The following BCR variants were observed in gnomAD, a reference collection of about 807,000 sequenced individuals.
The protein encoded by BCR is BCR activator of RhoGEF and GTPase.
A neutral mutation model predicts 138.6 loss-of-function variants in BCR; 58 were observed. The ratio of observed to expected loss-of-function variants is 0.42; its 90% CI spans 0.34 to 0.52. The LOEUF is 0.52. Among genes scored for constraint, BCR ranks in the 20% least tolerant of loss-of-function variants. BCR has a pLI of 0.06. For missense variants in BCR, 1,599 were observed against 1,727.2 expected, an observed-to-expected ratio of 0.93 and a Z score of 1.32; for synonymous variants, 786 against 730.1, an observed-to-expected ratio of 1.08 and a Z score of -1.23.
chr22:23,304,405 G>A (rs1269169666), intron 16 of BCR, among the ~76,000 whole-genome samples: 1 of 152,070 alleles, frequency 6.6e-6, no homozygotes, highest in Non-Finnish European at 1.5e-5. Flanking sequence ...TCATGTGGTA[G>A]CATTGTTTGG....
chr22:23,249,156 A>G (rs2073191170), intron 1 of BCR, among the ~76,000 whole-genome samples: 1 of 151,910 alleles, frequency 6.6e-6, no homozygotes, highest in South Asian at 2.1e-4. Flanking sequence ...CAGGCCAGGC[A>G]CGGTGGCTCA....
At chr22:23,287,310 C>G in intron 11 of BCR, 32 bp downstream of exon 11, 1 of 1,504,926 alleles carries the variant, frequency 6.6e-7, no homozygotes, top group Non-Finnish European at 8.9e-7. Context: ...CCCTCCTGCT[C>G]TCCTGGCCTG....
chr22:23,241,976 T>C (rs6003582), intron 1 of BCR, among the ~76,000 whole-genome samples: 87,929 of 151,930 alleles, frequency 0.58, 26,518 homozygotes, highest in Non-Finnish European at 0.67. Flanking sequence ...CTTTCCCAGC[T>C]GTACCCCCTT....
chr22:23,212,868 C>T (rs991632345), intron 1 of BCR, among the ~76,000 whole-genome samples: 2 of 152,204 alleles, frequency 1.3e-5, no homozygotes, highest in Non-Finnish European at 2.9e-5. Context: ...TGAATATTGC[C>T]CAGACCAGAA....
chr22:23,289,946 C>T, intron 13 of BCR: 1 of 513,298 alleles, frequency 1.9e-6, no homozygotes, highest in Non-Finnish European at 3.5e-6. Flanking sequence ...CTCCTCTCCT[C>T]CAGCTACCTG....
chr22:23,281,332 G>A (rs780469641), intron 8 of BCR, among the ~76,000 whole-genome samples: 31 of 152,226 alleles, frequency 2.0e-4, no homozygotes, highest in South Asian at 6.2e-4. Flanking sequence ...GCCTTATGCC[G>A]GCTTTGGGAT....
chr22:23,189,788 C>G (rs1356663451), intron 1 of BCR, among the ~76,000 whole-genome samples: 1 of 152,182 alleles, frequency 6.6e-6, no homozygotes, highest in Non-Finnish European at 1.5e-5. Context: ...GCATGAGCCA[C>G]CGCTCCTAGC....
chr22:23,253,888 G>C lies in BCR; in HGVS notation c.1369G>C (p.Asp457His). The C allele has an allele frequency of 6.2e-7, 1 of 1,613,278 alleles. No individual in the cohort carries two copies. Among genetic ancestry groups the C allele is most frequent in the Non-Finnish European group, 8.5e-7 (1 of 1,180,018 alleles). Residue 457 changes from aspartate (D) to histidine (H), a missense_variant, in exon 2 of 23, where the codon GAT (aspartate) becomes CAT (histidine). Around this residue, in one of 4 missense-constraint regions of BCR, gnomAD observed 590 missense variants for 762.4 expected, o/e 0.77. Coordinates refer to ENST00000305877, the MANE Select transcript of BCR (RefSeq NM_004327.4). ...RRHQDGLPYI[D>H]DSPSSSPHLS... Reference sequence around the variant, plus strand: ...GCACCAAGATGGGCTGCCCTACATTGATGACTCGCCCTCCTCATCGCCCCA... The same window carrying C: ...GCACCAAGATGGGCTGCCCTACATTCATGACTCGCCCTCCTCATCGCCCCA...
chr22:23,219,966 G>A (rs1410110921), intron 1 of BCR, among the ~76,000 whole-genome samples: 4 of 152,174 alleles, frequency 2.6e-5, no homozygotes, highest in Admixed American at 2.0e-4. Flanking sequence ...GCAGTTCCTG[G>A]AGCATTGAGT....
chr22:23,189,363 C>T (rs1314704695), intron 1 of BCR, among the ~76,000 whole-genome samples: 1 of 152,204 alleles, frequency 6.6e-6, no homozygotes, highest in African/African-American at 2.4e-5. Flanking sequence ...CCGTTCTACT[C>T]TGTCTCCATG....
At chr22:23,248,661 C>T (rs555878117) in intron 1 of BCR, among the ~76,000 whole-genome samples, 2 of 152,290 alleles carry the variant, frequency 1.3e-5, no homozygotes, top group South Asian at 2.1e-4. Flanking sequence ...TAGGCCCTCC[C>T]TCTTCCACAC....
intron 1 of BCR, among the ~76,000 whole-genome samples, chr22:23,206,520 T>C (rs1024414187): frequency 8.1e-5 from 12 of 149,010 alleles, no homozygotes; most frequent in African/African-American, 3.0e-4. Context: ...GAGCTTGCAG[T>C]GAGCCGAGAT....
At chr22:23,313,421 T>C (rs1194274431) in intron 20 of BCR, among the ~76,000 whole-genome samples, 1 of 152,112 alleles carries the variant, frequency 6.6e-6, no homozygotes, top group African/African-American at 2.4e-5. Flanking sequence ...ATGTCTAGAG[T>C]GGGTGCTGGT....
chr22:23,210,757 T>A (rs1010155919), intron 1 of BCR, among the ~76,000 whole-genome samples: 1 of 152,254 alleles, frequency 6.6e-6, no homozygotes. Flanking sequence ...CTTTTGGCTC[T>A]GGCTTTTTTC....
chr22:23,283,031 C>T (rs941821503), intron 8 of BCR, among the ~76,000 whole-genome samples: 4 of 152,166 alleles, frequency 2.6e-5, no homozygotes, highest in African/African-American at 4.8e-5. Flanking sequence ...ATAATTCAGG[C>T]GATGTGCTCG....
At chr22:23,263,280 C>A in intron 4 of BCR, 1 of 1,136,822 alleles carries the variant, frequency 8.8e-7, no homozygotes, top group Non-Finnish European at 1.3e-6. Flanking sequence ...CCTCGGCCGC[C>A]TGGCCCAGGT....
chr22:23,301,435 C>A (rs1006499438), intron 16 of BCR, among the ~76,000 whole-genome samples: 32 of 152,242 alleles, frequency 2.1e-4, no homozygotes, highest in Non-Finnish European at 1.5e-4. Context: ...CTCAGGGCCC[C>A]CGTCCCTGTT....
chr22:23,230,170 T>TA (rs1231675905), intron 1 of BCR, among the ~76,000 whole-genome samples: 3 of 152,112 alleles, frequency 2.0e-5, no homozygotes, highest in Admixed American at 6.5e-5. Context: ...AAGGTGTCCT[T>TA]AAAGTCCTGC....
intron 16 of BCR, among the ~76,000 whole-genome samples, chr22:23,300,068 A>C (rs1282561800): frequency 6.6e-6 from 1 of 152,218 alleles, no homozygotes; most frequent in East Asian, 1.9e-4. Context: ...TGTGCAGTTC[A>C]GTGGCATCAG....
Sources: gnomAD v4.1 joint callset for allele counts (sites outside exome capture counted in the v4.1 genomes callset) on GRCh38, gnomAD v4.1.1 for gene constraint, gnomAD v4.1.1 regional missense constraint, MANE v1.5 for transcripts, NCBI Gene and HGNC (gene_info 2026-07-23, HGNC 2026-07-21) for gene names.